HMCN2: variants seen among roughly 807,000 people sequenced by gnomAD.
HMCN2 encodes hemicentin-2.
A neutral mutation model predicts 377.5 loss-of-function variants in HMCN2; 325 were observed. The ratio of observed to expected loss-of-function variants is 0.86; its 90% CI spans 0.79 to 0.94. The LOEUF (loss-of-function observed/expected upper bound fraction) is 0.94, where lower values mean the gene tolerates loss of function less well. Among genes scored for constraint, HMCN2 ranks in the 40% least tolerant of loss-of-function variants. HMCN2 has a pLI of 0.00. For missense variants in HMCN2, 4,543 were observed against 4,725.3 expected, an observed-to-expected ratio of 0.96 and a Z score of 1.13; for synonymous variants, 2,007 against 2,046.8, an observed-to-expected ratio of 0.98 and a Z score of 0.53.
chr9:130,267,449 C>T (rs1409911993), intron 1 of HMCN2, among the ~76,000 whole-genome samples: 2 of 89,394 alleles, frequency 2.2e-5, no homozygotes, highest in Non-Finnish European at 5.0e-5. Flanking sequence ...CACACACACA[C>T]ACACACACAC....
At chr9:130,284,787 C>T (rs987060576) in intron 2 of HMCN2, 114 bp downstream of exon 2, 5 of 439,376 alleles carry the variant, frequency 1.1e-5, no homozygotes, top group African/African-American at 2.0e-5. Flanking sequence ...TCTCCCTCCT[C>T]CTGGGTGAAT....
rs56400273 is a variant in HMCN2, at chr9:130,303,942, G to C, written c.1543+334G>C. ...GACAACCTTCGTGCCTCCAAGTCCC[G>C]GCCAGGATGGCGCCATCGAGCTGGG... On this transcript the variant is annotated intron_variant, in intron 10 of 97. Transcript: ENST00000683500. This position sits in a 1 kb window ranked among gnomAD's most constrained non-coding sequence, Gnocchi z 5.2. 6.6e-6 allele frequency among the ~76,000 whole-genome samples: 1 copy of C among 152,152 alleles called. No homozygotes were observed. The highest frequency in any genetic ancestry group is 1.5e-5 in the Non-Finnish European group (1 of 68,030).
chr9:130,403,105 G>T lies in HMCN2; in HGVS notation c.11879-89G>T. 4 of 1,179,204 alleles carry T rather than the reference G, an allele frequency of 3.4e-6. No individual in the cohort carries two copies. The South Asian group carries it at 4.3e-5, about 13-fold the overall frequency. 73.0% of individuals were successfully genotyped at this position (1,179,204 alleles called of 1,614,324 possible). A position where few individuals can be genotyped will look rare whatever the true frequency, so the allele number is the denominator to read the frequency against. ...TCTAGAACCCCCGTTCTCCTTAGAG[G>T]CCTCTCTCTCTGATGCTCCGAGGCC... On this transcript the variant is annotated intron_variant, in intron 78 of 97. Coordinates refer to ENST00000683500, the MANE Select transcript of HMCN2 (RefSeq NM_001291815.2).
At chr9:130,331,152 G>A (rs1838404557) in intron 22 of HMCN2, among the ~76,000 whole-genome samples, 1 of 134,020 alleles carries the variant, frequency 7.5e-6, no homozygotes, top group African/African-American at 3.0e-5. Flanking sequence ...GCAAGACTCT[G>A]TCTTAAAAAA....
At chr9:130,315,180 CCCTTCCTCCCT>C (rs1837467590) in intron 15 of HMCN2, among the ~76,000 whole-genome samples, 1 of 108,952 alleles carries the variant, frequency 9.2e-6, no homozygotes, top group Non-Finnish European at 1.9e-5. Flanking sequence ...GCTCCTTCCT[CCCTTCCTCCCT>C]CCCTCCCCTC....
At position 130,355,905 on chromosome 9, in the gene HMCN2, G is replaced by A. The variant is rs1382275741; in HGVS notation, c.5255+51G>A. The A allele has an allele frequency of 8.7e-5, 99 of 1,141,902 alleles. 1 individual carries two copies. Among genetic ancestry groups the A allele is most frequent in the Non-Finnish European group, 1.2e-4 (99 of 847,080 alleles). The allele number at this position is 1,141,902 out of a possible 1,614,324, so 70.7% of individuals were successfully genotyped here. On this transcript the variant is annotated intron_variant, in intron 33 of 97. Transcript: ENST00000683500. ...GGCTGGGGGTAGGCAGAGAGCGTGT[G>A]CTTTGCGGATTGTGGGGGGAAGTGG...
At chr9:130,311,050 G>T (rs1837218001) in intron 15 of HMCN2, among the ~76,000 whole-genome samples, 1 of 152,198 alleles carries the variant, frequency 6.6e-6, no homozygotes, top group African/African-American at 2.4e-5. Flanking sequence ...TGACTTCCGG[G>T]ATGTCTCCAT....
chr9:130,433,789 T>TGG lies in HMCN2; in HGVS notation c.*96_*97insGG. ...GCCACCTGCTGTGGCAAGCGGAGCGTCATCGTCTCCCGCCCCGTGCGTCAG... is the reference window on the plus strand; with the variant it reads ...GCCACCTGCTGTGGCAAGCGGAGCGTGGCATCGTCTCCCGCCCCGTGCGTCAG... On this transcript the variant is annotated 3_prime_UTR_variant, in exon 98 of 98. Transcript: ENST00000683500. 9.7e-7 allele frequency: 1 copy of TGG among 1,027,564 alleles called. No individual in the cohort carries two copies. The highest frequency in any genetic ancestry group is 1.3e-6 in the Non-Finnish European group (1 of 747,282). 63.7% of individuals were successfully genotyped at this position (1,027,564 alleles called of 1,614,324 possible).
chr9:130,398,728 G>A (rs934670076), intron 75 of HMCN2, 21 bp downstream of exon 75: 1 of 1,286,346 alleles, frequency 7.8e-7, no homozygotes, highest in Non-Finnish European at 1.0e-6. Flanking sequence ...GGACTTTGCG[G>A]TGGCTTCCTG....
chr9:130,332,991 G>A (rs1253343261), intron 22 of HMCN2, among the ~76,000 whole-genome samples: 5 of 152,194 alleles, frequency 3.3e-5, no homozygotes, highest in Non-Finnish European at 5.9e-5. Flanking sequence ...GTCTGGGGAG[G>A]GCAGGAGGGC....
At chr9:130,289,356 A>C (rs776094666) in intron 4 of HMCN2, among the ~76,000 whole-genome samples, 3 of 151,756 alleles carry the variant, frequency 2.0e-5, no homozygotes, top group Non-Finnish European at 4.4e-5. Flanking sequence ...GGTGAGGGGG[A>C]GCTGCTGGGG....
At chr9:130,404,519 G>A (rs1210012303) in intron 80 of HMCN2, among the ~76,000 whole-genome samples, 1 of 152,250 alleles carries the variant, frequency 6.6e-6, no homozygotes, top group Non-Finnish European at 1.5e-5. Context: ...TGTGACAGCT[G>A]CCCTGCTTTT....
chr9:130,285,388 C>T (rs1835367442), intron 3 of HMCN2, 72 bp downstream of exon 3: 2 of 447,564 alleles, frequency 4.5e-6, no homozygotes, highest in South Asian at 1.6e-5. Flanking sequence ...GTCTCTCTCA[C>T]CACCTGAGCC....
At chr9:130,377,538 C>A in intron 52 of HMCN2, 111 bp from the exon 53 acceptor site, 1 of 569,060 alleles carries the variant, frequency 1.8e-6, no homozygotes, top group Non-Finnish European at 2.2e-6. Flanking sequence ...GTTCTTGTCA[C>A]TTTATGCTGC....
At chr9:130,407,231 CAA>C (rs1843143818) in intron 82 of HMCN2, 1 of 176,088 alleles carries the variant, frequency 5.7e-6, no homozygotes, top group Admixed American at 5.7e-5. Context: ...GCCTGGGCAA[CAA>C]GAGTGAAACT....
rs1834069570 is a variant in HMCN2 at position 130,265,959 on chromosome 9, G to A, written c.81G>A (p.Gly27=). The A allele has an allele frequency of 2.2e-6, 1 of 458,110 alleles. No homozygotes were observed. The highest frequency in any genetic ancestry group is 4.5e-6 in the Non-Finnish European group (1 of 221,382). 28.4% of individuals were successfully genotyped at this position (458,110 alleles called of 1,614,324 possible). Residue 27 remains glycine (G), a synonymous_variant, in exon 1 of 98, where the codon GGG becomes GGA. Transcript: ENST00000683500. The part of the protein sequence containing the change: ...AVAVAVAGAP[G]TVMPPTTGDA... ...CAGTGGCAGTGGCCGGGGCGCCCGG[G>A]ACGGTAATGCCCCCCACCACGGGGG...
intron 4 of HMCN2, among the ~76,000 whole-genome samples, chr9:130,290,654 C>G (rs527296645): frequency 6.6e-6 from 1 of 152,200 alleles, no homozygotes; most frequent in Non-Finnish European, 1.5e-5. Context: ...TGTCCACCCC[C>G]ACATGGACGA....
At chr9:130,275,098 C>A (rs1564737092) in intron 1 of HMCN2, among the ~76,000 whole-genome samples, 1 of 152,178 alleles carries the variant, frequency 6.6e-6, no homozygotes, top group Admixed American at 6.5e-5. Context: ...TTTCCCCACA[C>A]CGCCGCCAGC....
intron 46 of HMCN2, among the ~76,000 whole-genome samples, chr9:130,371,444 A>G (rs940581531): frequency 1.3e-5 from 2 of 151,864 alleles, no homozygotes; most frequent in South Asian, 2.1e-4. Context: ...TGGCACTTAT[A>G]TATAACATCC....
Sources: allele counts gnomAD v4.1 joint callset (sites outside exome capture counted in the v4.1 genomes callset), GRCh38; gene constraint gnomAD v4.1.1; non-coding constraint Gnocchi (gnomAD v3.1); transcripts MANE v1.5; gene names NCBI Gene and HGNC (gene_info 2026-07-23, HGNC 2026-07-21).